MLLT10: variants seen among roughly 807,000 people sequenced by gnomAD.
The protein encoded by MLLT10 is protein AF-10.
Under a neutral mutation model 129.1 loss-of-function variants are expected in MLLT10, and 30 were observed. That is an observed-to-expected ratio of 0.23 (90% confidence interval 0.17 to 0.32). The LOEUF is 0.32. Among genes scored for constraint, MLLT10 ranks in the 10% least tolerant of loss-of-function variants. The pLI, the probability that MLLT10 is intolerant of heterozygous loss-of-function variation, is 1.00. For synonymous variants in MLLT10, 490 were observed against 446.4 expected, an observed-to-expected ratio of 1.10 and a Z score of -1.23; for missense variants, 1,119 against 1,268.3, an observed-to-expected ratio of 0.88 and a Z score of 1.79.
chr10:21,711,609 G>T (rs1166347489), intron 13 of MLLT10, among the ~76,000 whole-genome samples: 1 of 151,320 alleles, frequency 6.6e-6, no homozygotes, highest in Non-Finnish European at 1.5e-5. Context: ...AGCCAGGTGT[G>T]GTGGCATTCG....
intron 3 of MLLT10, among the ~76,000 whole-genome samples, chr10:21,547,533 T>C (rs1006475397): frequency 1.3e-5 from 2 of 151,910 alleles, no homozygotes; most frequent in African/African-American, 4.8e-5. Flanking sequence ...TTTTCTTTTT[T>C]TTTTTTGGTG....
chr10:21,546,779 G>T (rs1052510347), intron 3 of MLLT10, among the ~76,000 whole-genome samples: 2 of 151,458 alleles, frequency 1.3e-5, no homozygotes, highest in East Asian at 3.9e-4. Context: ...CCAGGCTGGA[G>T]TGTAATGGTG....
At position 21,546,577 on chromosome 10, in the gene MLLT10, T is replaced by G. The variant is rs1223177385; in HGVS notation, c.240+7665T>G. Among the ~76,000 whole-genome samples, 5 of 145,798 alleles carry G rather than the reference T, an allele frequency of 3.4e-5. No individual in the cohort carries two copies. In the East Asian group the frequency reaches 8.0e-4, roughly 23 times the overall value. ...GCCCCACCACTCCTGGCTAATTTGTTTTTTTTTTTTTTGAGACAGGGTCTC... is the reference window on the plus strand; with the variant it reads ...GCCCCACCACTCCTGGCTAATTTGTGTTTTTTTTTTTTGAGACAGGGTCTC... On this transcript the variant is annotated intron_variant, in intron 3 of 22. Transcript: ENST00000307729.
chr10:21,659,048 T>TA (rs2049901424), intron 9 of MLLT10, among the ~76,000 whole-genome samples: 1 of 151,994 alleles, frequency 6.6e-6, no homozygotes, highest in Non-Finnish European at 1.5e-5. Context: ...GCTTTTTTTT[T>TA]ATTGGCTTGT....
intron 3 of MLLT10, among the ~76,000 whole-genome samples, chr10:21,550,116 T>G (rs1203032583): frequency 6.6e-6 from 1 of 152,182 alleles, no homozygotes; most frequent in Non-Finnish European, 1.5e-5. Context: ...TAGACTTGGA[T>G]TGGTAGCTGC....
At chr10:21,625,498 A>G in intron 8 of MLLT10, 2 of 979,274 alleles carry the variant, frequency 2.0e-6, no homozygotes. Flanking sequence ...AACTGTAACT[A>G]CATTTCCCCA....
At chr10:21,675,129 T>C (rs2131385064) in intron 11 of MLLT10, among the ~76,000 whole-genome samples, 1 of 152,316 alleles carries the variant, frequency 6.6e-6, no homozygotes, top group South Asian at 2.1e-4. Context: ...GATGTCCTCA[T>C]TTTACAGCTG....
At chr10:21,677,174 C>G (rs910725288) in intron 11 of MLLT10, among the ~76,000 whole-genome samples, 19 of 152,156 alleles carry the variant, frequency 1.2e-4, no homozygotes, top group African/African-American at 4.1e-4. Flanking sequence ...TAACACCACA[C>G]TAGTGTAATG....
chr10:21,596,588 T>G (rs1229700183), intron 5 of MLLT10, among the ~76,000 whole-genome samples: 1 of 152,034 alleles, frequency 6.6e-6, no homozygotes, highest in Non-Finnish European at 1.5e-5. Context: ...CTATATTATG[T>G]TAGGTACACT....
intron 8 of MLLT10, among the ~76,000 whole-genome samples, chr10:21,620,967 GCCA>G (rs1397066389): frequency 6.6e-6 from 1 of 150,880 alleles, no homozygotes; most frequent in Non-Finnish European, 1.5e-5. Context: ...TCAGGCGTGA[GCCA>G]CCATACCCTG....
intron 5 of MLLT10, among the ~76,000 whole-genome samples, chr10:21,599,226 CA>C (rs1158491827): frequency 6.6e-6 from 1 of 151,466 alleles, no homozygotes; most frequent in Non-Finnish European, 1.5e-5. Flanking sequence ...CCTGTAATCC[CA>C]GCTACTCGGG....
At chr10:21,689,567 A>ATATATATATATATATG (rs2053629871) in intron 13 of MLLT10, among the ~76,000 whole-genome samples, 2 of 60,316 alleles carry the variant, frequency 3.3e-5, no homozygotes, top group Non-Finnish European at 7.4e-5. Flanking sequence ...ATATATATGT[A>ATATATATATATATATG]TATATATATA....
chr10:21,738,087 G>A (rs1301813407), intron 21 of MLLT10, among the ~76,000 whole-genome samples: 4 of 152,010 alleles, frequency 2.6e-5, no homozygotes, highest in African/African-American at 9.7e-5. Flanking sequence ...GACCAACGTG[G>A]TGAAACCCCG....
chr10:21,565,648 C>T (rs1231215375), intron 3 of MLLT10, among the ~76,000 whole-genome samples: 1 of 150,164 alleles, frequency 6.7e-6, no homozygotes, highest in African/African-American at 2.5e-5. Context: ...CTCTGTCACC[C>T]AGGCTGCATT....
At chr10:21,544,485 G>A (rs1409020527) in intron 3 of MLLT10, among the ~76,000 whole-genome samples, 3 of 152,134 alleles carry the variant, frequency 2.0e-5, no homozygotes, top group Middle Eastern at 3.2e-3. Flanking sequence ...TGACCTGGCA[G>A]TACCCTGACA....
At chr10:21,610,984 C>CTTTTTTTTTT (rs71393913) in intron 5 of MLLT10, among the ~76,000 whole-genome samples, 80 of 102,870 alleles carry the variant, frequency 7.8e-4, no homozygotes, top group African/African-American at 1.2e-3. Flanking sequence ...TCTTTTTTCT[C>CTTTTTTTTTT]TTTTTTTTTT....
intron 11 of MLLT10, 29 bp downstream of exon 11, chr10:21,673,948 C>T: frequency 2.0e-6 from 3 of 1,503,400 alleles, no homozygotes; most frequent in Non-Finnish European, 2.7e-6. Flanking sequence ...TTATTTTTCT[C>T]CTTCACTCCC....
intron 8 of MLLT10, among the ~76,000 whole-genome samples, chr10:21,649,682 CCTCT>C (rs2048836983): frequency 1.3e-5 from 2 of 152,182 alleles, no homozygotes; most frequent in Admixed American, 1.3e-4. Context: ...CTCCATTTGG[CCTCT>C]CTATGAGTAG....
At chr10:21,651,613 T>A in intron 8 of MLLT10, 60 bp from the exon 9 acceptor site, 1 of 1,123,758 alleles carries the variant, frequency 8.9e-7, no homozygotes, top group Non-Finnish European at 1.3e-6. Context: ...AAAAAATCTC[T>A]GTTGCATATA....
Sources: gnomAD v4.1 joint callset for allele counts (sites outside exome capture counted in the v4.1 genomes callset) on GRCh38, gnomAD v4.1.1 for gene constraint, MANE v1.5 for transcripts, NCBI Gene and HGNC (gene_info 2026-07-23, HGNC 2026-07-21) for gene names.